The following BRAF variants were observed in gnomAD, a reference collection of about 807,000 sequenced individuals.
BRAF encodes B-Raf proto-oncogene, serine/threonine kinase, also known as serine/threonine-protein kinase B-raf.
A neutral mutation model predicts 104.6 loss-of-function variants in BRAF; 16 were observed. The observed-to-expected ratio is 0.15, with a 90% CI of 0.10 to 0.23. The LOEUF (loss-of-function observed/expected upper bound fraction) is 0.23. BRAF is among the 10% of genes least tolerant of loss of function. BRAF has a pLI of 1.00. For missense variants in BRAF, 541 were observed against 937.3 expected (o/e 0.58, Z 5.52); for synonymous variants, 310 against 341.6 (o/e 0.91, Z 1.02).
Position 140,746,839 on chromosome 7 carries a change from A to AC in BRAF, c.2112+2447_2112+2448insG, listed in dbSNP as rs1266517851. The stretch of plus-strand genomic sequence containing the variant: ...AGCAAGACTCCGTCTTGGAAAAAAA[A>AC]AAAAAGAAAAAAGAAAAAAAAAAGA... On this transcript the variant is annotated intron_variant, in intron 17 of 19. Coordinates refer to ENST00000644969, the MANE Select transcript of BRAF (RefSeq NM_001374258.1). Among the ~76,000 whole-genome samples, 15 of 151,840 alleles carry AC rather than the reference A, an allele frequency of 9.9e-5. 1 individual carries two copies. Among genetic ancestry groups the AC allele is most frequent in the Admixed American group, 9.2e-4 (14 of 15,246 alleles).
Position 140,924,851 on chromosome 7 carries a change from CG to C in BRAF, c.-149del. ...GGGAGGAGCGGCCCGGGCGGCGCCG[CG>C]GGCGGAGGGCGCCTGGGCCACCTCA... is the stretch of plus-strand genomic sequence containing the variant. On this transcript the variant is annotated 5_prime_UTR_variant, in exon 1 of 20. Coordinates refer to ENST00000644969, the MANE Select transcript of BRAF (RefSeq NM_001374258.1). This position sits in a 1 kb window ranked among gnomAD's most constrained non-coding sequence, Gnocchi z 4.2. The C allele has an allele frequency of 3.8e-6, 1 of 260,000 alleles. No homozygotes were observed. The highest frequency in any genetic ancestry group is 2.4e-5 in the African/African-American group (1 of 42,530). 16.1% of individuals were successfully genotyped at this position (260,000 alleles called of 1,614,324 possible).
In BRAF at chr7:140,749,886, A is replaced by C. The variant is rs566326335; in HGVS notation, c.1981-468T>G. On this transcript the variant is annotated intron_variant, in intron 16 of 19. Coordinates refer to ENST00000644969, the MANE Select transcript of BRAF (RefSeq NM_001374258.1). The stretch of plus-strand genomic sequence containing the variant: ...AACTTTTCTCATCTGAGGACACCTT[A>C]GAAAATAATGGTAGAATTTCAGGAC... 2.0e-4 allele frequency among the ~76,000 whole-genome samples: 31 copies of C among 152,354 alleles called. No individual in the cohort carries two copies. The South Asian group carries it at 6.2e-3, about 31-fold the overall frequency.
intron 14 of BRAF, among the ~76,000 whole-genome samples, chr7:140,758,674 T>C (rs1166941486): frequency 6.6e-6 from 1 of 152,204 alleles, no homozygotes; most frequent in East Asian, 1.9e-4. Flanking sequence ...AGGCTGGTCT[T>C]GAACTCCTGG....
Position 140,778,139 on chromosome 7 carries a change from C to G in BRAF, c.1553-64G>C, listed in dbSNP as rs141109782. On this transcript the variant is annotated intron_variant, in intron 12 of 19. Coordinates refer to ENST00000644969, the MANE Select transcript of BRAF (RefSeq NM_001374258.1). ...TTAAAATTTAAAAGTATAAAACATT[C>G]TTGGGTGTTTTCACTAATTATCATA... 209 of 1,487,118 alleles carry G rather than the reference C, an allele frequency of 1.4e-4. 1 individual carries two copies. The East Asian group carries it at 1.5e-3, about 10-fold the overall frequency. 92.1% of individuals were successfully genotyped at this position (1,487,118 alleles called of 1,614,324 possible).
At chr7:140,828,413 T>C (rs571342992) in intron 3 of BRAF, among the ~76,000 whole-genome samples, 3 of 152,334 alleles carry the variant, frequency 2.0e-5, no homozygotes, top group South Asian at 4.1e-4. Flanking sequence ...TCACCCTCTA[T>C]AGGTTTTTCT....
chr7:140,744,984 A>C (rs778523762), intron 17 of BRAF, among the ~76,000 whole-genome samples: 1 of 152,122 alleles, frequency 6.6e-6, no homozygotes, highest in Non-Finnish European at 1.5e-5. Context: ...AATCAATAAA[A>C]GGCTTTAAAA....
chr7:140,793,542 T>C (rs1167225299), intron 8 of BRAF, among the ~76,000 whole-genome samples: 1 of 152,052 alleles, frequency 6.6e-6, no homozygotes, highest in Non-Finnish European at 1.5e-5. Context: ...AAATTTATAG[T>C]TTCAATTATA....
intron 14 of BRAF, among the ~76,000 whole-genome samples, chr7:140,771,799 G>A (rs1258971445): frequency 6.6e-6 from 1 of 152,180 alleles, no homozygotes; most frequent in Non-Finnish European, 1.5e-5. Flanking sequence ...GACATGAAGA[G>A]TTGAAAGGAG....
intron 3 of BRAF, among the ~76,000 whole-genome samples, chr7:140,820,688 C>T (rs1805381550): frequency 6.6e-6 from 1 of 152,056 alleles, no homozygotes; most frequent in South Asian, 2.1e-4. Flanking sequence ...GCCTATAATC[C>T]CAGCACTATG....
intron 1 of BRAF, among the ~76,000 whole-genome samples, chr7:140,875,817 C>T (rs1812181051): frequency 6.6e-6 from 1 of 152,194 alleles, no homozygotes; most frequent in South Asian, 2.1e-4. Context: ...GAGAAAAAAA[C>T]TATCAAAGGT....
chr7:140,792,317 C>G (rs1009441631), intron 8 of BRAF, among the ~76,000 whole-genome samples: 6 of 152,156 alleles, frequency 3.9e-5, no homozygotes, highest in African/African-American at 9.7e-5. Context: ...AAATATAGAG[C>G]TGATGACTTC....
chr7:140,829,371 CTT>C lies in BRAF; in HGVS notation c.504+5236_504+5237del, dbSNP rs1216905213. ...TTTTTTTTTTTTTGGTATTTAATCT[CTT>C]GATTCTGATAGAATTTACTTTTGTA... On this transcript the variant is annotated intron_variant, in intron 3 of 19. Transcript: ENST00000644969. Among the ~76,000 whole-genome samples the C allele has an allele frequency of 1.7e-4, 23 of 137,492 alleles. No homozygotes were observed. The East Asian group carries it at 4.7e-3, about 28-fold the overall frequency. 90.2% of individuals were successfully genotyped at this position (137,492 alleles called of 152,430 possible).
chr7:140,921,758 G>T (rs549070603), intron 1 of BRAF, among the ~76,000 whole-genome samples: 2 of 149,908 alleles, frequency 1.3e-5, no homozygotes, highest in South Asian at 4.2e-4. Flanking sequence ...TTTGAAATCA[G>T]ACTTTTTTTT....
At chr7:140,825,004 T>G (rs1805871183) in intron 3 of BRAF, among the ~76,000 whole-genome samples, 2 of 150,098 alleles carry the variant, frequency 1.3e-5, no homozygotes. Context: ...GGAGTCTCAC[T>G]CTGTTGCCCA....
chr7:140,722,302 C>T lies in BRAF; in HGVS notation c.*4192G>A. 2.8e-6 allele frequency: 3 copies of T among 1,055,822 alleles called. No individual in the cohort carries two copies. Among genetic ancestry groups the T allele is most frequent in the Non-Finnish European group, 3.4e-6 (3 of 873,328 alleles). 65.4% of individuals were successfully genotyped at this position (1,055,822 alleles called of 1,614,324 possible). ...GATTTTGGCTATAAACTCTTTAGTGCATTTACCTATGCAGTCTAAATTGCA... is the reference window on the plus strand; with the variant it reads ...GATTTTGGCTATAAACTCTTTAGTGTATTTACCTATGCAGTCTAAATTGCA... On this transcript the variant is annotated 3_prime_UTR_variant, in exon 20 of 20. Transcript: ENST00000644969.
intron 3 of BRAF, among the ~76,000 whole-genome samples, chr7:140,822,728 G>C (rs544425052): frequency 4.6e-5 from 7 of 152,320 alleles, no homozygotes; most frequent in Admixed American, 6.5e-5. Context: ...AAGCAACTAA[G>C]AACATTCGTA....
intron 15 of BRAF, 38 bp from the exon 15 acceptor site, chr7:140,753,431 T>C (rs1353976152): frequency 1.5e-6 from 2 of 1,329,686 alleles, no homozygotes; most frequent in Admixed American, 1.7e-5. Context: ...GTAGATCTCA[T>C]TTTCCTATCA....
chr7:140,872,996 A>G (rs1375648862), intron 1 of BRAF, among the ~76,000 whole-genome samples: 3 of 152,174 alleles, frequency 2.0e-5, no homozygotes, highest in African/African-American at 4.8e-5. Flanking sequence ...TAAGATATAT[A>G]TAAAAAATCA....
intron 1 of BRAF, among the ~76,000 whole-genome samples, chr7:140,901,032 C>T (rs937858443): frequency 6.6e-6 from 1 of 152,184 alleles, no homozygotes; most frequent in Non-Finnish European, 1.5e-5. Flanking sequence ...TTGGACAGCA[C>T]TCAGCAGTAG....
Sources: allele counts gnomAD v4.1 joint callset (sites outside exome capture counted in the v4.1 genomes callset), GRCh38; gene constraint gnomAD v4.1.1; non-coding constraint Gnocchi (gnomAD v3.1); transcripts MANE v1.5; gene names NCBI Gene and HGNC (gene_info 2026-07-23, HGNC 2026-07-21).